NEO1: variants seen among roughly 807,000 people sequenced by gnomAD.
The protein encoded by NEO1 is neogenin.
A neutral mutation model predicts 159.7 loss-of-function variants in NEO1; 63 were observed. The ratio of observed to expected loss-of-function variants is 0.39; its 90% CI spans 0.32 to 0.49. The LOEUF (loss-of-function observed/expected upper bound fraction) is 0.49, where lower values mean the gene tolerates loss of function less well. Among genes scored for constraint, NEO1 ranks in the 20% least tolerant of loss-of-function variants. The pLI is 0.85. For synonymous variants in NEO1, 633 were observed against 662.0 expected (o/e 0.96, Z 0.67); for missense variants, 1,615 against 1,831.0 (o/e 0.88, Z 2.15).
At chr15:73,203,496 C>T (rs2037028790) in intron 7 of NEO1, among the ~76,000 whole-genome samples, 1 of 152,072 alleles carries the variant, frequency 6.6e-6, no homozygotes, top group African/African-American at 2.4e-5. Flanking sequence ...TAATATCTAC[C>T]ATGTTTCCAA....
Position 73,225,299 on chromosome 15 carries a change from A to G in NEO1, c.1292-11048A>G, listed in dbSNP as rs530056987. 4.6e-5 allele frequency among the ~76,000 whole-genome samples: 7 copies of G among 152,172 alleles called. No homozygotes were observed. The East Asian group carries it at 1.2e-3, about 25-fold the overall frequency. ...GGTTGCCCTCCTGCCGGGAGTTTGT[A>G]CTTTCCAGAGAGCATCAGCTGTGGT... On this transcript the variant is annotated intron_variant, in intron 7 of 28. Coordinates refer to ENST00000261908, the MANE Select transcript of NEO1 (RefSeq NM_002499.4).
At chr15:73,106,825 C>T (rs553385259) in intron 1 of NEO1, among the ~76,000 whole-genome samples, 1 of 152,280 alleles carries the variant, frequency 6.6e-6, no homozygotes, top group Non-Finnish European at 1.5e-5. Context: ...CCATCTCTGG[C>T]ACATAGTAAA....
At position 73,301,338 on chromosome 15, in the gene NEO1, C is replaced by G; in HGVS notation, c.4183C>G (p.His1395Asp). ...LSQQALNHHI[H>D]SVKTASIGTL... ...CCCCTCAGCTCTGAACCATCACATT[C>G]ACTCAGTGAAGACAGCCTCCATCGG... Residue 1395 changes from histidine to aspartate, a missense_variant, in exon 28 of 29, where the codon CAC (histidine) becomes GAC (aspartate). By Grantham distance (81) the His-to-Asp change is moderately conservative. Coordinates refer to ENST00000261908, the MANE Select transcript of NEO1 (RefSeq NM_002499.4). The G allele has an allele frequency of 1.2e-6, 2 of 1,614,206 alleles. No homozygotes were observed. Among genetic ancestry groups the G allele is most frequent in the South Asian group, 1.1e-5 (1 of 91,072 alleles).
Position 73,270,127 on chromosome 15 carries a change from G to T in NEO1, c.2612G>T (p.Arg871Met), listed in dbSNP as rs371309320. The change falls in exon 17 of 29, where the codon AGG becomes ATG. Residue 871 changes from arginine to methionine, a missense_variant. Arg to Met is a moderately conservative substitution (Grantham distance 91). Coordinates refer to ENST00000261908, the MANE Select transcript of NEO1 (RefSeq NM_002499.4). ...TCCATTCTGAGTCATGACACCATCAGGATTACGTGGGCAGACAACTCGCTG... is the reference window on the plus strand; with the variant it reads ...TCCATTCTGAGTCATGACACCATCATGATTACGTGGGCAGACAACTCGCTG... ...QASILSHDTI[R>M]ITWADNSLPK... 11 of 1,614,000 alleles carry T rather than the reference G, an allele frequency of 6.8e-6. No individual in the cohort carries two copies. In the African/African-American group the frequency reaches 1.5e-4, roughly 22 times the overall value.
At chr15:73,293,244 C>T in intron 25 of NEO1, 146 bp from the exon 26 acceptor site, 11 of 777,664 alleles carry the variant, frequency 1.4e-5, no homozygotes, top group South Asian at 5.7e-5. Context: ...GCTAATTGAC[C>T]AGATCTAGCC....
chr15:73,108,141 C>T (rs1041824051), intron 1 of NEO1, among the ~76,000 whole-genome samples: 3 of 152,166 alleles, frequency 2.0e-5, no homozygotes, highest in Non-Finnish European at 2.9e-5. Flanking sequence ...AGATTTCCCC[C>T]ACTTTTGAGC....
intron 5 of NEO1, among the ~76,000 whole-genome samples, chr15:73,171,002 GGAAAAAAAAAAAACTAGCCT>G (rs1347179860): frequency 8.7e-5 from 13 of 149,780 alleles, no homozygotes. Context: ...TAGTCTCGGG[GGAAAAAAAAAAAACTAGCCT>G]GACTCCAATC....
intron 12 of NEO1, 100 bp from the exon 13 acceptor site, chr15:73,254,582 G>GT (rs1555460722): frequency 1.6e-6 from 2 of 1,288,178 alleles, no homozygotes; most frequent in Non-Finnish European, 2.1e-6. Flanking sequence ...CTGCCTCTAT[G>GT]TTTTTTCTCT....
chr15:73,208,529 T>G (rs1280667666), intron 7 of NEO1, among the ~76,000 whole-genome samples: 3 of 152,194 alleles, frequency 2.0e-5, no homozygotes, highest in African/African-American at 4.8e-5. Flanking sequence ...TTCTAAAGCT[T>G]CTTTTTTACC....
chr15:73,179,240 T>C (rs1166726488), intron 7 of NEO1, among the ~76,000 whole-genome samples: 1 of 152,106 alleles, frequency 6.6e-6, no homozygotes, highest in African/African-American at 2.4e-5. Context: ...CTCTAGACAA[T>C]ATAAGAATGG....
intron 26 of NEO1, among the ~76,000 whole-genome samples, chr15:73,295,930 C>G (rs1397478254): frequency 1.3e-5 from 2 of 152,146 alleles, no homozygotes. Flanking sequence ...AGGAAGTAGC[C>G]CCCTTGCCAA....
At chr15:73,146,160 G>A (rs1184679621) in intron 5 of NEO1, among the ~76,000 whole-genome samples, 1 of 152,010 alleles carries the variant, frequency 6.6e-6, no homozygotes, top group East Asian at 1.9e-4. Context: ...TATCTGTCTT[G>A]TTTTACGTAT....
At chr15:73,209,801 G>A (rs1344792087) in intron 7 of NEO1, among the ~76,000 whole-genome samples, 3 of 152,026 alleles carry the variant, frequency 2.0e-5, no homozygotes, top group African/African-American at 7.2e-5. Flanking sequence ...AGACCAGCCT[G>A]GCCAACATGG....
intron 25 of NEO1, among the ~76,000 whole-genome samples, chr15:73,289,477 C>T (rs1183704640): frequency 3.9e-5 from 6 of 152,064 alleles, no homozygotes; most frequent in African/African-American, 1.4e-4. Flanking sequence ...CTCCAGATTC[C>T]CAGGAATAGG....
rs376724068 is a variant in NEO1 at position 73,244,363 on chromosome 15, A to G, written c.1471A>G (p.Ser491Gly). Reference protein sequence around the residue: ...GIARERVENTSHPGEMQVTIQ... With the variant: ...GIARERVENTGHPGEMQVTIQ... ...CTAAAGGGAACGTGTTGAGAATACCAGTCACCCAGGAGAGATGCAAGTAAC... is the reference window on the plus strand; with the variant it reads ...CTAAAGGGAACGTGTTGAGAATACCGGTCACCCAGGAGAGATGCAAGTAAC... Residue 491 changes from serine (S) to glycine (G), a missense_variant, in exon 9 of 29, where the codon AGT becomes GGT. This residue lies in a region of NEO1 where 1,018 missense variants were observed against 1,115.4 expected (regional missense o/e 0.91). Transcript: ENST00000261908. 3.1e-6 allele frequency: 5 copies of G among 1,613,476 alleles called. No homozygotes were observed. In the African/African-American group the frequency reaches 6.7e-5, roughly 22 times the overall value.
intron 1 of NEO1, among the ~76,000 whole-genome samples, chr15:73,085,914 A>G (rs996625156): frequency 2.0e-5 from 3 of 152,106 alleles, no homozygotes; most frequent in Non-Finnish European, 2.9e-5. Flanking sequence ...TATACTTTCA[A>G]TGTCTTTCAC....
chr15:73,248,105 T>A (rs1009948699), intron 9 of NEO1, among the ~76,000 whole-genome samples: 4 of 152,230 alleles, frequency 2.6e-5, no homozygotes, highest in Non-Finnish European at 4.4e-5. Flanking sequence ...TCATCTCACT[T>A]GGTTTAGTGC....
intron 2 of NEO1, among the ~76,000 whole-genome samples, chr15:73,122,131 A>ATATG (rs71137334): frequency 0.88 from 127,639 of 145,020 alleles, 56,932 homozygotes; most frequent in African/African-American, 0.97. Context: ...ATAGCAATGA[A>ATATG]TAAAGACTAG....
chr15:73,148,851 CTTG>C (rs1567315810), intron 5 of NEO1, among the ~76,000 whole-genome samples: 2 of 147,174 alleles, frequency 1.4e-5, no homozygotes, highest in Admixed American at 6.7e-5. Flanking sequence ...GGTTTTCAAA[CTTG>C]TTTTTTTTTT....
Sources: allele counts gnomAD v4.1 joint callset (sites outside exome capture counted in the v4.1 genomes callset), GRCh38; gene constraint gnomAD v4.1.1; regional missense constraint gnomAD v4.1.1; transcripts MANE v1.5; gene names NCBI Gene and HGNC (gene_info 2026-07-23, HGNC 2026-07-21).